Variants in FSTL4 observed in about 807,000 individuals in gnomAD.
The protein encoded by FSTL4 is follistatin-related protein 4.
In FSTL4, 28 loss-of-function variants were observed where a neutral mutation model predicts 78.2. The observed-to-expected ratio is 0.36, with a 90% CI of 0.27 to 0.49. The LOEUF is 0.49. Ranked by LOEUF, FSTL4 falls within the 20% of genes least tolerant of loss-of-function variation. FSTL4 has a pLI of 0.98. For synonymous variants in FSTL4, 422 were observed against 440.5 expected (o/e 0.96, Z 0.53); for missense variants, 922 against 1,084.9 (o/e 0.85, Z 2.11).
At chr5:133,316,691 C>T (rs1017320404) in intron 4 of FSTL4, 39 bp from the exon 5 acceptor site, 1 of 1,545,570 alleles carries the variant, frequency 6.5e-7, no homozygotes, top group Admixed American at 1.8e-5. Flanking sequence ...GAGACTTATC[C>T]CGTGGTCTTG....
At chr5:133,342,442 A>G (rs1754602838) in intron 4 of FSTL4, among the ~76,000 whole-genome samples, 1 of 152,206 alleles carries the variant, frequency 6.6e-6, no homozygotes, top group Admixed American at 6.5e-5. Context: ...AAGCAGCACC[A>G]TTCATCTTCT....
chr5:133,695,178 C>T, the FSTL4 span, among the ~76,000 whole-genome samples: 527 of 152,246 alleles, frequency 3.5e-3, 6 homozygotes, highest in African/African-American at 0.012. Flanking sequence ...TCCTCATGAT[C>T]GTCATCATCA....
At chr5:133,297,898 C>T (rs1428342705) in intron 6 of FSTL4, among the ~76,000 whole-genome samples, 1 of 152,176 alleles carries the variant, frequency 6.6e-6, no homozygotes, top group African/African-American at 2.4e-5. Context: ...ACCAACAGTC[C>T]CCCATCCCTC....
the FSTL4 span, among the ~76,000 whole-genome samples, chr5:133,642,614 A>C: frequency 2.6e-5 from 4 of 152,354 alleles, no homozygotes; most frequent in South Asian, 8.3e-4. Context: ...AGAACTCAGC[A>C]GAAGAATGCA....
At chr5:133,635,090 T>C in the FSTL4 span, among the ~76,000 whole-genome samples, 1 of 151,386 alleles carries the variant, frequency 6.6e-6, no homozygotes, top group Non-Finnish European at 1.5e-5. Context: ...AAAAAAAACA[T>C]AGACACTATA....
At chr5:133,391,404 C>T (rs561743939) in intron 4 of FSTL4, among the ~76,000 whole-genome samples, 10 of 152,334 alleles carry the variant, frequency 6.6e-5, no homozygotes, top group African/African-American at 2.2e-4. Context: ...GCCACCGGCA[C>T]CCCTCCTGTC....
the FSTL4 span, among the ~76,000 whole-genome samples, chr5:133,659,987 T>C: frequency 6.6e-6 from 1 of 152,176 alleles, no homozygotes; most frequent in Admixed American, 6.5e-5. Flanking sequence ...GAGAAATAAG[T>C]TGACAAAAAG....
intron 3 of FSTL4, among the ~76,000 whole-genome samples, chr5:133,547,129 A>G (rs575004419): frequency 2.3e-4 from 35 of 152,288 alleles, no homozygotes; most frequent in African/African-American, 8.4e-4. Context: ...GAAGTGTGAG[A>G]CATGGAGTCA....
At chr5:133,286,068 G>A (rs942056225) in intron 6 of FSTL4, among the ~76,000 whole-genome samples, 4 of 152,212 alleles carry the variant, frequency 2.6e-5, no homozygotes, top group African/African-American at 9.7e-5. Flanking sequence ...CAACCTAGGT[G>A]TGTGTGTGAC....
intron 6 of FSTL4, among the ~76,000 whole-genome samples, chr5:133,300,945 G>A (rs1368387284): frequency 2.0e-5 from 3 of 152,190 alleles, no homozygotes; most frequent in South Asian, 2.1e-4. Context: ...TCAGGAGGTT[G>A]GAGGCGTCAA....
intron 4 of FSTL4, among the ~76,000 whole-genome samples, chr5:133,329,733 C>T (rs1754299314): frequency 6.6e-6 from 1 of 152,212 alleles, no homozygotes; most frequent in South Asian, 2.1e-4. Flanking sequence ...TCTCCTTTGG[C>T]AACACCCTCA....
the FSTL4 span, among the ~76,000 whole-genome samples, chr5:133,818,967 G>A: frequency 1.0e-3 from 40 of 39,376 alleles, no homozygotes; most frequent in Middle Eastern, 0.036. Context: ...ACACACGTAC[G>A]CATGCACACA....
At chr5:133,622,815 T>C in the FSTL4 span, among the ~76,000 whole-genome samples, 1 of 152,178 alleles carries the variant, frequency 6.6e-6, no homozygotes. Flanking sequence ...AGTTCTTTGT[T>C]GGTGTGGTTT....
chr5:133,288,035 T>A (rs976944266), intron 6 of FSTL4, among the ~76,000 whole-genome samples: 1 of 152,246 alleles, frequency 6.6e-6, no homozygotes, highest in African/African-American at 2.4e-5. Flanking sequence ...AGTCATCTCA[T>A]CTGTAAACTG....
At chr5:133,497,346 T>TAA (rs1758387057) in intron 3 of FSTL4, among the ~76,000 whole-genome samples, 1 of 152,236 alleles carries the variant, frequency 6.6e-6, no homozygotes, top group African/African-American at 2.4e-5. Context: ...AGATGGATAA[T>TAA]AAAGCCTATC....
chr5:133,603,271 A>C (rs571204365), intron 2 of FSTL4, among the ~76,000 whole-genome samples: 107 of 152,164 alleles, frequency 7.0e-4, no homozygotes, highest in Non-Finnish European at 1.1e-3. Context: ...TTCACTAAGC[A>C]ATTAGCAGAA....
chr5:133,253,835 C>A (rs376494306), intron 6 of FSTL4, among the ~76,000 whole-genome samples: 2 of 152,172 alleles, frequency 1.3e-5, no homozygotes, highest in Non-Finnish European at 2.9e-5. Flanking sequence ...CAGTCTTGAC[C>A]CTGCTGTGTC....
chr5:133,267,040 G>A (rs554048334), intron 6 of FSTL4, among the ~76,000 whole-genome samples: 2 of 152,354 alleles, frequency 1.3e-5, no homozygotes, highest in African/African-American at 4.8e-5. Flanking sequence ...GGCAGGGTGG[G>A]CTCCTGTGCT....
intron 2 of FSTL4, chr5:133,574,990 T>C (rs868753705): frequency 6.6e-6 from 1 of 152,208 alleles, no homozygotes; most frequent in African/African-American, 2.4e-5. Flanking sequence ...GGTGGTCACA[T>C]AGATATGTTC....
Sources: gnomAD v4.1 joint callset for allele counts (sites outside exome capture counted in the v4.1 genomes callset) on GRCh38, gnomAD v4.1.1 for gene constraint, MANE v1.5 for transcripts, NCBI Gene and HGNC (gene_info 2026-07-23, HGNC 2026-07-21) for gene names.